The following HSD11B1 variants were observed in gnomAD, a reference collection of about 807,000 sequenced individuals.
HSD11B1 encodes hydroxysteroid 11-beta dehydrogenase 1.
In HSD11B1, 15 loss-of-function variants were observed where a neutral mutation model predicts 22.1. That is an observed-to-expected ratio of 0.68 (90% CI 0.45 to 1.04). HSD11B1 has a LOEUF of 1.04. Ranked by LOEUF, HSD11B1 falls within the 50% of genes least tolerant of loss-of-function variation. The pLI is 0.00. For synonymous variants in HSD11B1, 122 were observed against 125.2 expected (o/e 0.97, Z 0.17); for missense variants, 281 against 357.6 (o/e 0.79, Z 1.73).
At chr1:209,718,038 AG>A (rs1200234475) in intron 4 of HSD11B1, among the ~76,000 whole-genome samples, 4 of 152,180 alleles carry the variant, frequency 2.6e-5, no homozygotes, top group Admixed American at 2.0e-4. Flanking sequence ...GGAACTAAAA[AG>A]GTTTATCTCA....
At chr1:209,716,196 AC>A (rs924481744) in intron 4 of HSD11B1, among the ~76,000 whole-genome samples, 1 of 152,172 alleles carries the variant, frequency 6.6e-6, no homozygotes, top group Non-Finnish European at 1.5e-5. Context: ...TAAACGCTCC[AC>A]AAAAAAACTC....
At chr1:209,705,170 G>C in intron 1 of HSD11B1, 140 bp downstream of exon 1, 2 of 740,508 alleles carry the variant, frequency 2.7e-6, no homozygotes, top group Non-Finnish European at 4.9e-6. Context: ...TGGTATTTTT[G>C]TGTCCTCCAG....
intron 4 of HSD11B1, among the ~76,000 whole-genome samples, chr1:209,711,421 C>T (rs996345702): frequency 2.0e-5 from 3 of 152,148 alleles, no homozygotes; most frequent in South Asian, 2.1e-4. Flanking sequence ...CAGTTGTTCT[C>T]ATTTTTCTAA....
chr1:209,711,547 G>T (rs1013396877), intron 4 of HSD11B1, among the ~76,000 whole-genome samples: 4 of 152,164 alleles, frequency 2.6e-5, no homozygotes, highest in African/African-American at 9.7e-5. Context: ...TTACATGAGG[G>T]ATGGGGAGTG....
At chr1:209,708,644 G>T (rs1215039560) in intron 4 of HSD11B1, among the ~76,000 whole-genome samples, 1 of 152,192 alleles carries the variant, frequency 6.6e-6, no homozygotes, top group Non-Finnish European at 1.5e-5. Context: ...CATCAGTCAT[G>T]ATGTAGGTGG....
At chr1:209,711,665 C>T (rs114074731) in intron 4 of HSD11B1, among the ~76,000 whole-genome samples, 3,128 of 151,976 alleles carry the variant, frequency 0.021, 111 homozygotes, top group African/African-American at 0.07. Context: ...TATAAGAATG[C>T]CAAGAAGGAG....
intron 1 of HSD11B1, among the ~76,000 whole-genome samples, chr1:209,699,401 T>G (rs553969386): frequency 1.3e-3 from 200 of 152,194 alleles, no homozygotes; most frequent in African/African-American, 4.8e-3. Flanking sequence ...ACTTCTTACA[T>G]GGCAGCAGTA....
intron 4 of HSD11B1, among the ~76,000 whole-genome samples, chr1:209,712,727 A>G (rs760360780): frequency 6.6e-6 from 1 of 152,170 alleles, no homozygotes; most frequent in Non-Finnish European, 1.5e-5. Context: ...TGTCTAAGGT[A>G]ATTTGGAAAT....
rs373930399 is a variant in HSD11B1, at chr1:209,710,223, T to A, written c.517+3095T>A. Among the ~76,000 whole-genome samples, 5 of 152,340 alleles carry A rather than the reference T, an allele frequency of 3.3e-5. No individual in the cohort carries two copies. In the East Asian group the frequency reaches 5.8e-4, roughly 18 times the overall value. On this transcript the variant is annotated intron_variant, in intron 4 of 5. Coordinates refer to ENST00000367027, the MANE Select transcript of HSD11B1 (RefSeq NM_005525.4). ...CTGACATTAGTCAAAATAGGTCATCTTAGGTTCAATATTAGAAAAGTAAAG... is the reference window on the plus strand; with the variant it reads ...CTGACATTAGTCAAAATAGGTCATCATAGGTTCAATATTAGAAAAGTAAAG...
intron 5 of HSD11B1, among the ~76,000 whole-genome samples, chr1:209,733,524 G>T (rs1445360420): frequency 6.6e-6 from 1 of 152,132 alleles, no homozygotes; most frequent in Non-Finnish European, 1.5e-5. Flanking sequence ...TTAATATATT[G>T]TATCAATTCT....
chr1:209,716,883 C>G (rs1224378318), intron 4 of HSD11B1, among the ~76,000 whole-genome samples: 1 of 152,118 alleles, frequency 6.6e-6, no homozygotes, highest in East Asian at 1.9e-4. Context: ...AGATCTCTAT[C>G]TCTCACCATA....
intron 5 of HSD11B1, among the ~76,000 whole-genome samples, chr1:209,734,006 G>A (rs565131604): frequency 3.9e-5 from 6 of 152,010 alleles, no homozygotes; most frequent in African/African-American, 9.7e-5. Context: ...TTACTTCTCC[G>A]CCTCCAACCA....
intron 4 of HSD11B1, among the ~76,000 whole-genome samples, chr1:209,708,759 G>A (rs2076876321): frequency 6.6e-6 from 1 of 152,198 alleles, no homozygotes; most frequent in Non-Finnish European, 1.5e-5. Context: ...ATCTAAATGT[G>A]CTCAGAAGGA....
chr1:209,687,214 A>G (rs1376877080), intron 1 of HSD11B1, among the ~76,000 whole-genome samples: 1 of 152,238 alleles, frequency 6.6e-6, no homozygotes, highest in Non-Finnish European at 1.5e-5. Context: ...TTGGCTTTTA[A>G]GAGTCCAACT....
At chr1:209,702,402 T>C (rs924923050), upstream of HSD11B1, among the ~76,000 whole-genome samples, 3 of 152,182 alleles carry the variant, frequency 2.0e-5, no homozygotes, top group Non-Finnish European at 2.9e-5. Context: ...GAAAAAGACA[T>C]AATCTATGTC....
chr1:209,714,649 A>G (rs925608087), intron 4 of HSD11B1, among the ~76,000 whole-genome samples: 7 of 152,142 alleles, frequency 4.6e-5, no homozygotes, highest in African/African-American at 1.4e-4. Context: ...GGTGAGGGAC[A>G]ATTCTTCATT....
chr1:209,717,901 A>G (rs893535068), intron 4 of HSD11B1, among the ~76,000 whole-genome samples: 18 of 151,498 alleles, frequency 1.2e-4, no homozygotes, highest in Admixed American at 7.9e-4. Context: ...AAAGGAAATC[A>G]ATATATCAAA....
intron 4 of HSD11B1, among the ~76,000 whole-genome samples, chr1:209,722,358 C>A (rs867414285): frequency 6.6e-6 from 1 of 152,192 alleles, no homozygotes; most frequent in African/African-American, 2.4e-5. Flanking sequence ...TGGGTTTTCT[C>A]TGGCCACCTT....
intron 1 of HSD11B1, among the ~76,000 whole-genome samples, chr1:209,698,167 T>TAAGA: frequency 6.8e-6 from 1 of 146,700 alleles, no homozygotes; most frequent in East Asian, 2.0e-4. Flanking sequence ...GATAGATAGA[T>TAAGA]TAGATAGATA....
Sources: allele counts gnomAD v4.1 joint callset (sites outside exome capture counted in the v4.1 genomes callset), GRCh38; gene constraint gnomAD v4.1.1; transcripts MANE v1.5; gene names NCBI Gene and HGNC (gene_info 2026-07-23, HGNC 2026-07-21).